The following TARBP1 variants were observed in gnomAD, a reference collection of about 807,000 sequenced individuals.
TARBP1 encodes the protein tRNA guanosine 2 -O-methyltransferase TARBP1, also known as tRNA (guanosine(18)-2'-O)-methyltransferase TARBP1.
TARBP1 carries 144 observed loss-of-function variants against 178.6 expected under a neutral mutation model. That is an observed-to-expected ratio of 0.81 (90% CI 0.70 to 0.93). TARBP1 has a LOEUF of 0.93. Ranked by LOEUF, TARBP1 falls within the 40% of genes least tolerant of loss-of-function variation. The pLI is 0.00. For missense variants in TARBP1, 2,067 were observed against 2,011.7 expected, an observed-to-expected ratio of 1.03 and a Z score of -0.53; for synonymous variants, 787 against 781.0, an observed-to-expected ratio of 1.01 and a Z score of -0.13.
In TARBP1 at chr1:234,457,651, TTA is replaced by T; in HGVS notation, c.1722+14_1722+15del. ...TATAGTTTTCAAAGACTTTATTAAATTATCTTTAATCTCACCTCTGTCCACAA... is the reference window on the plus strand; with the variant it reads ...TATAGTTTTCAAAGACTTTATTAAATTCTTTAATCTCACCTCTGTCCACAA... On this transcript the variant is annotated intron_variant, in intron 9 of 29. Coordinates refer to ENST00000040877, the MANE Select transcript of TARBP1 (RefSeq NM_005646.4). 1 of 1,545,552 alleles carries T rather than the reference TTA, an allele frequency of 6.5e-7. No individual in the cohort carries two copies. Among genetic ancestry groups the T allele is most frequent in the Non-Finnish European group, 8.8e-7 (1 of 1,137,732 alleles).
intron 29 of TARBP1, 116 bp from the exon 30 acceptor site, chr1:234,391,861 A>T: frequency 4.7e-6 from 5 of 1,073,790 alleles, no homozygotes; most frequent in Non-Finnish European, 6.8e-6. Flanking sequence ...TCTGAATGTT[A>T]CTAAAAGAAA....
chr1:234,414,683 G>A (rs1662218614), intron 22 of TARBP1, among the ~76,000 whole-genome samples: 1 of 152,070 alleles, frequency 6.6e-6, no homozygotes, highest in South Asian at 2.1e-4. Context: ...GAGTGGGTTG[G>A]GAAGGATGTG....
chr1:234,469,925 C>T (rs1668871557), intron 3 of TARBP1, among the ~76,000 whole-genome samples: 1 of 152,120 alleles, frequency 6.6e-6, no homozygotes, highest in African/African-American at 2.4e-5. Context: ...AAAAGATATA[C>T]TAAGAGAATA....
chr1:234,398,398 C>T lies in TARBP1; in HGVS notation c.4227G>A (p.Trp1409Ter). ...ATTTTTTACCTATGTCTTGCTGAGA[C>T]CAGTCACCTGGTTTTAGTTTACTAA... ...TQLSKLKPGD[W>*]SQQDIGTNLV... The change falls in exon 26 of 30, where the codon TGG (tryptophan) becomes TGA (stop). Residue 1409 changes from tryptophan (W) to a stop codon, truncating the protein, a stop_gained. Coordinates refer to ENST00000040877, the MANE Select transcript of TARBP1 (RefSeq NM_005646.4). LOFTEE classifies it high-confidence loss of function. 1 of 1,606,148 alleles carries T rather than the reference C, an allele frequency of 6.2e-7. No individual in the cohort carries two copies. The highest frequency in any genetic ancestry group is 8.5e-7 in the Non-Finnish European group (1 of 1,175,346).
chr1:234,478,613 G>A lies in TARBP1; in HGVS notation c.491C>T (p.Ala164Val), dbSNP rs1201498369. Residue 164 changes from alanine to valine, a missense_variant, in exon 1 of 30, where the codon GCG becomes GTG. Transcript: ENST00000040877. ...REDGPLLERVAGTAVALALGG... is the reference protein window; with the variant it reads ...REDGPLLERVVGTAVALALGG... The stretch of plus-strand genomic sequence containing the variant: ...CAGCGCCAGGGCGACGGCGGTCCCC[G>A]CCACGCGCTCCAGTAGCGGCCCGTC... 11 of 1,303,334 alleles carry A rather than the reference G, an allele frequency of 8.4e-6. No homozygotes were observed. Among genetic ancestry groups the A allele is most frequent in the Non-Finnish European group, 1.1e-5 (11 of 1,027,138 alleles). The allele number at this position is 1,303,334 out of a possible 1,614,324, so 80.7% of individuals were successfully genotyped here.
intron 23 of TARBP1, chr1:234,406,304 C>CT (rs1315899164): frequency 2.6e-5 from 15 of 568,596 alleles, no homozygotes; most frequent in Non-Finnish European, 4.1e-5. Context: ...AAAACACATT[C>CT]TCCCAGCTCT....
rs771058083 is a variant in TARBP1, at chr1:234,393,714, C to G, written c.4367G>C (p.Arg1456Thr). 16 of 1,613,920 alleles carry G rather than the reference C, an allele frequency of 9.9e-6. No homozygotes were observed. The South Asian group carries it at 1.8e-4, about 18-fold the overall frequency. Reference protein sequence around the residue: ...LELLFQDRAARLGKSISRLIV... With the variant: ...LELLFQDRAATLGKSISRLIV... ...GAGTCTACTAATTGACTTTCCAAGT[C>G]TGGCAGCACGATCCTGAAACAGGAG... Residue 1456 changes from arginine (R) to threonine (T), a missense_variant, in exon 27 of 30, where the codon AGA becomes ACA. Transcript: ENST00000040877.
chr1:234,457,510 T>C (rs1295300042), intron 9 of TARBP1, among the ~76,000 whole-genome samples, 157 bp downstream of exon 9: 1 of 152,214 alleles, frequency 6.6e-6, no homozygotes, highest in Non-Finnish European at 1.5e-5. Context: ...GCAGAATTAG[T>C]TAAGTCCACT....
intron 27 of TARBP1, 68 bp downstream of exon 27, chr1:234,393,578 T>G (rs1402153780): frequency 6.3e-7 from 1 of 1,578,094 alleles, no homozygotes; most frequent in African/African-American, 1.4e-5. Flanking sequence ...CCCGTGGCAG[T>G]GGATTAATTA....
intron 14 of TARBP1, 141 bp from the exon 15 acceptor site, chr1:234,430,442 A>G (rs1421649804): frequency 4.3e-6 from 3 of 701,624 alleles, no homozygotes; most frequent in Non-Finnish European, 7.0e-6. Flanking sequence ...AAATAAAAGG[A>G]AATCCAGTAC....
At chr1:234,396,509 G>A (rs2103031787) in intron 26 of TARBP1, among the ~76,000 whole-genome samples, 1 of 152,250 alleles carries the variant, frequency 6.6e-6, no homozygotes. Context: ...TCTACTACCA[G>A]ACACTGTGTT....
intron 1 of TARBP1, among the ~76,000 whole-genome samples, chr1:234,475,032 A>AT: frequency 6.6e-6 from 1 of 152,334 alleles, no homozygotes; most frequent in African/African-American, 2.4e-5. Context: ...TAAAAATGGC[A>AT]TTTTGACAAG....
intron 19 of TARBP1, among the ~76,000 whole-genome samples, chr1:234,426,541 A>G (rs10797543): frequency 0.14 from 20,688 of 152,184 alleles, 1,551 homozygotes; most frequent in Middle Eastern, 0.25. Flanking sequence ...TTTACAACAC[A>G]GTTAGGACTT....
rs773920836 is a variant in TARBP1 at position 234,427,316 on chromosome 1, C to A, written c.3323+1G>T. On this transcript the variant is annotated splice_donor_variant, in intron 19 of 29. Coordinates refer to ENST00000040877, the MANE Select transcript of TARBP1 (RefSeq NM_005646.4). LOFTEE classifies it high-confidence loss of function. ...AGACAGAGAAAATCTACCATACTTA[C>A]TTTTCCATAACAATATTTGCCGCAC... 6.2e-7 allele frequency: 1 copy of A among 1,606,704 alleles called. No homozygotes were observed. Among genetic ancestry groups the A allele is most frequent in the South Asian group, 1.1e-5 (1 of 89,884 alleles).
rs957697494 is a variant in TARBP1 at position 234,478,932 on chromosome 1, G to T, written c.172C>A (p.Pro58Thr). The change falls in exon 1 of 30, where the codon CCG becomes ACG. Residue 58 changes from proline to threonine, a missense_variant. Coordinates refer to ENST00000040877, the MANE Select transcript of TARBP1 (RefSeq NM_005646.4). ...GCAGCCACCTCGCGCGCCGCCTCCG[G>T]GAGCGCGCCTGCGCCCCCGCTGCCG... ...ARGSGGAGAL[P>T]EAAREVAAGY... is the part of the protein sequence containing the mutation. 2.0e-5 allele frequency: 29 copies of T among 1,438,642 alleles called. No individual in the cohort carries two copies. The African/African-American group carries it at 4.2e-4, about 21-fold the overall frequency. 89.1% of individuals were successfully genotyped at this position (1,438,642 alleles called of 1,614,324 possible).
At chr1:234,409,800 A>G (rs1313519494) in intron 23 of TARBP1, among the ~76,000 whole-genome samples, 1 of 152,230 alleles carries the variant, frequency 6.6e-6, no homozygotes, top group Non-Finnish European at 1.5e-5. Context: ...AGTTTATAGT[A>G]TATCAGTACA....
intron 3 of TARBP1, 148 bp from the exon 4 acceptor site, chr1:234,467,798 T>C: frequency 1.1e-6 from 1 of 887,624 alleles, no homozygotes; most frequent in Non-Finnish European, 1.6e-6. Context: ...GAGAGACAGG[T>C]TCTCACTGTG....
Position 234,460,252 on chromosome 1 carries a change from G to T in TARBP1, c.1535+9C>A. On this transcript the variant is annotated intron_variant, in intron 7 of 29. Transcript: ENST00000040877. ...ATAACCATACAAGTACATATACAGA[G>T]TAAATTACCTGAGAGCAAGAAGCCC... The T allele has an allele frequency of 1.2e-6, 2 of 1,612,088 alleles. No individual in the cohort carries two copies. The highest frequency in any genetic ancestry group is 1.7e-6 in the Non-Finnish European group (2 of 1,179,506).
chr1:234,429,818 T>C lies in TARBP1; in HGVS notation c.2610-141A>G, dbSNP rs538855040. On this transcript the variant is annotated intron_variant, in intron 15 of 29. Transcript: ENST00000040877. ...AATGGTCATTATCAAACAGCCTATCTACCAAAAACTAAGGAAACCACATAA... is the reference window on the plus strand; with the variant it reads ...AATGGTCATTATCAAACAGCCTATCCACCAAAAACTAAGGAAACCACATAA... 4.0e-5 allele frequency: 41 copies of C among 1,018,274 alleles called. No individual in the cohort carries two copies. In the South Asian group the frequency reaches 6.4e-4, roughly 16 times the overall value. The allele number at this position is 1,018,274 out of a possible 1,614,324, so 63.1% of individuals were successfully genotyped here.
Sources: allele counts gnomAD v4.1 joint callset (sites outside exome capture counted in the v4.1 genomes callset), GRCh38; gene constraint gnomAD v4.1.1; transcripts MANE v1.5; gene names NCBI Gene and HGNC (gene_info 2026-07-23, HGNC 2026-07-21).